The following POU2F1 variants were observed in gnomAD, a reference collection of about 807,000 sequenced individuals.
POU2F1 encodes the protein POU class 2 homeobox 1.
A neutral mutation model predicts 84.9 loss-of-function variants in POU2F1; 16 were observed. The observed-to-expected ratio is 0.19, with a 90% CI of 0.13 to 0.29. POU2F1 has a LOEUF of 0.29. POU2F1 is among the 10% of genes least tolerant of loss of function. The probability of loss-of-function intolerance (pLI) is 1.00; values close to 1 mark genes in which losing one functional copy is unlikely to be tolerated. For synonymous variants in POU2F1, 368 were observed against 368.3 expected (o/e 1.00, Z 0.01); for missense variants, 738 against 942.6 (o/e 0.78, Z 2.84).
intron 1 of POU2F1, among the ~76,000 whole-genome samples, chr1:167,280,717 A>G (rs1331781907): frequency 6.6e-6 from 1 of 152,138 alleles, no homozygotes; most frequent in Non-Finnish European, 1.5e-5. Flanking sequence ...TGGTCTTTGA[A>G]TAGTCTCATT....
intron 1 of POU2F1, among the ~76,000 whole-genome samples, chr1:167,324,568 A>G (rs1295002073): frequency 6.6e-6 from 1 of 152,114 alleles, no homozygotes; most frequent in African/African-American, 2.4e-5. Context: ...CCAACCAACT[A>G]CTGATCTCAG....
intron 1 of POU2F1, among the ~76,000 whole-genome samples, chr1:167,326,950 A>C (rs1053106442): frequency 6.6e-6 from 1 of 152,214 alleles, no homozygotes; most frequent in Non-Finnish European, 1.5e-5. Context: ...TAAATTTTAA[A>C]TTTCGTAAAG....
chr1:167,296,234 T>A (rs949337152), intron 1 of POU2F1, among the ~76,000 whole-genome samples: 3 of 152,178 alleles, frequency 2.0e-5, no homozygotes, highest in African/African-American at 7.2e-5. Context: ...ATGTTACTTC[T>A]AAGCAACCTG....
At chr1:167,354,886 T>C (rs978303218) in intron 2 of POU2F1, among the ~76,000 whole-genome samples, 4 of 152,200 alleles carry the variant, frequency 2.6e-5, no homozygotes, top group African/African-American at 9.6e-5. Context: ...GTTGACTTTT[T>C]CTTATTGACT....
intron 1 of POU2F1, among the ~76,000 whole-genome samples, chr1:167,224,917 CTCGTGGGT>C (rs1648514125): frequency 6.6e-6 from 1 of 151,488 alleles, no homozygotes; most frequent in South Asian, 2.1e-4. Context: ...CAACCTCTGC[CTCGTGGGT>C]TCCAGTGATT....
At chr1:167,223,008 A>G (rs1177960185) in intron 1 of POU2F1, among the ~76,000 whole-genome samples, 1 of 152,098 alleles carries the variant, frequency 6.6e-6, no homozygotes, top group Non-Finnish European at 1.5e-5. Context: ...AGAAATTCCA[A>G]TTAACAACAG....
intron 1 of POU2F1, among the ~76,000 whole-genome samples, chr1:167,311,157 T>A (rs1014823076): frequency 2.0e-5 from 3 of 151,946 alleles, no homozygotes; most frequent in Admixed American, 1.3e-4. Flanking sequence ...CAGAAAAATT[T>A]CACAAAACAA....
intron 1 of POU2F1, among the ~76,000 whole-genome samples, chr1:167,252,636 G>A (rs1239415715): frequency 1.3e-5 from 2 of 152,138 alleles, no homozygotes; most frequent in African/African-American, 4.8e-5. Context: ...TATAGTTAAG[G>A]TGCAGCTTTT....
intron 1 of POU2F1, among the ~76,000 whole-genome samples, chr1:167,303,041 G>A (rs1327445188): frequency 6.6e-6 from 1 of 152,008 alleles, no homozygotes; most frequent in Non-Finnish European, 1.5e-5. Flanking sequence ...AACCTGTATG[G>A]ATCTATTGCT....
Position 167,252,845 on chromosome 1 carries a change from G to C in POU2F1, c.61+31887G>C, listed in dbSNP as rs1187793322. ...ACTAGTTTATAGCTTTTGATCTTAT[G>C]TGTAATGACACTGGGAAGAAAACAT... On this transcript the variant is annotated intron_variant, in intron 1 of 15. Transcript: ENST00000367866. Among the ~76,000 whole-genome samples, 3 of 152,182 alleles carry C rather than the reference G, an allele frequency of 2.0e-5. No homozygotes were observed. The East Asian group carries it at 5.8e-4, about 29-fold the overall frequency.
At chr1:167,288,699 A>G (rs1243935938) in intron 1 of POU2F1, among the ~76,000 whole-genome samples, 2 of 152,212 alleles carry the variant, frequency 1.3e-5, no homozygotes, top group African/African-American at 4.8e-5. Context: ...CAACAGCAAC[A>G]ACAAAAAAAC....
Position 167,416,061 on chromosome 1 carries a change from G to T in POU2F1, c.*251G>T. 1.7e-6 allele frequency: 1 copy of T among 575,032 alleles called. No individual in the cohort carries two copies. The allele number at this position is 575,032 out of a possible 1,614,324, so 35.6% of individuals were successfully genotyped here. ...ACTGTCTTTTCAGGATTGCTTCATG[G>T]ATTGGAGAACTTTCTAACCAAAAAT... On this transcript the variant is annotated 3_prime_UTR_variant, in exon 16 of 16. Transcript: ENST00000367866.
At chr1:167,267,326 G>A (rs399332) in intron 1 of POU2F1, among the ~76,000 whole-genome samples, 1 of 151,590 alleles carries the variant, frequency 6.6e-6, no homozygotes, top group Non-Finnish European at 1.5e-5. Context: ...AATACTAAAT[G>A]TAATGGGAAT....
intron 5 of POU2F1, among the ~76,000 whole-genome samples, chr1:167,373,038 G>A (rs1041364879): frequency 1.3e-5 from 2 of 151,812 alleles, no homozygotes; most frequent in Non-Finnish European, 2.9e-5. Flanking sequence ...GAGTAGAGAT[G>A]TATGTATATA....
intron 1 of POU2F1, among the ~76,000 whole-genome samples, chr1:167,278,902 A>G (rs997217470): frequency 7.9e-5 from 12 of 152,142 alleles, no homozygotes; most frequent in Non-Finnish European, 1.6e-4. Flanking sequence ...GTCTTTGAGT[A>G]TGATTCTTTA....
intron 1 of POU2F1, among the ~76,000 whole-genome samples, chr1:167,328,179 G>T (rs1471291111): frequency 6.6e-6 from 1 of 152,070 alleles, no homozygotes; most frequent in Non-Finnish European, 1.5e-5. Flanking sequence ...GTAACAAACT[G>T]TCTTCTTTCT....
intron 1 of POU2F1, among the ~76,000 whole-genome samples, chr1:167,326,292 T>G (rs1656703296): frequency 6.6e-6 from 1 of 152,242 alleles, no homozygotes; most frequent in Non-Finnish European, 1.5e-5. Context: ...ATGATTTTCC[T>G]TTGTACAACG....
intron 2 of POU2F1, among the ~76,000 whole-genome samples, chr1:167,350,023 A>G (rs1171885772): frequency 1.3e-5 from 2 of 152,208 alleles, no homozygotes; most frequent in African/African-American, 4.8e-5. Flanking sequence ...TCATATTTCA[A>G]AGTAATCATT....
At chr1:167,268,283 C>T (rs987326481) in intron 1 of POU2F1, among the ~76,000 whole-genome samples, 1 of 152,084 alleles carries the variant, frequency 6.6e-6, no homozygotes, top group African/African-American at 2.4e-5. Context: ...TTTATTTCAG[C>T]AGTTCATTAC....
Sources: gnomAD v4.1 joint callset for allele counts (sites outside exome capture counted in the v4.1 genomes callset) on GRCh38, gnomAD v4.1.1 for gene constraint, MANE v1.5 for transcripts, NCBI Gene and HGNC (gene_info 2026-07-23, HGNC 2026-07-21) for gene names.